GPHN: variants seen among roughly 807,000 people sequenced by gnomAD.
The protein encoded by GPHN is gephyrin.
A neutral mutation model predicts 95.5 loss-of-function variants in GPHN; 17 were observed. That is an observed-to-expected ratio of 0.18 (90% CI 0.12 to 0.27). The LOEUF (loss-of-function observed/expected upper bound fraction) is 0.27. Among genes scored for constraint, GPHN ranks in the 10% least tolerant of loss-of-function variants. GPHN has a pLI of 1.00. For missense variants in GPHN, 660 were observed against 978.1 expected (o/e 0.67, Z 4.34); for synonymous variants, 320 against 322.5 (o/e 0.99, Z 0.08).
chr14:67,732,148 A>C, the GPHN span, among the ~76,000 whole-genome samples: 3 of 146,876 alleles, frequency 2.0e-5, no homozygotes, highest in African/African-American at 2.5e-5. Context: ...AAAAAAAAAA[A>C]ATTTAAGGCT....
At chr14:67,402,049 T>G in the GPHN span, among the ~76,000 whole-genome samples, 1 of 152,128 alleles carries the variant, frequency 6.6e-6, no homozygotes, top group East Asian at 1.9e-4. Flanking sequence ...AAGAATCACT[T>G]AAACTCAGGA....
At chr14:66,803,240 C>G (rs1277847698) in intron 3 of GPHN, among the ~76,000 whole-genome samples, 1 of 152,176 alleles carries the variant, frequency 6.6e-6, no homozygotes, top group Non-Finnish European at 1.5e-5. Flanking sequence ...AAATTGCCTG[C>G]TGTCCTTCTC....
At chr14:67,469,701 G>A in the GPHN span, among the ~76,000 whole-genome samples, 1 of 152,046 alleles carries the variant, frequency 6.6e-6, no homozygotes, top group Non-Finnish European at 1.5e-5. Flanking sequence ...ATGGAGCAGA[G>A]GTACATAAAG....
At chr14:67,102,115 G>A (rs959653489) in intron 13 of GPHN, among the ~76,000 whole-genome samples, 30 of 151,588 alleles carry the variant, frequency 2.0e-4, no homozygotes, top group Non-Finnish European at 3.8e-4. Context: ...CTCGTGATCC[G>A]CCCGCCTCGG....
At chr14:67,331,066 A>G in the GPHN span, among the ~76,000 whole-genome samples, 1 of 151,262 alleles carries the variant, frequency 6.6e-6, no homozygotes, top group African/African-American at 2.4e-5. Context: ...TTTTTTTGAG[A>G]CAGAGTCTCA....
At chr14:67,517,753 G>A in the GPHN span, among the ~76,000 whole-genome samples, 1 of 152,124 alleles carries the variant, frequency 6.6e-6, no homozygotes, top group Admixed American at 6.5e-5. Context: ...TCTCTGGGTA[G>A]GACAGCTATT....
At chr14:67,716,323 T>C in the GPHN span, among the ~76,000 whole-genome samples, 2 of 152,112 alleles carry the variant, frequency 1.3e-5, no homozygotes, top group African/African-American at 4.8e-5. Context: ...TTGATTAGGA[T>C]AGGTGAAAGC....
Position 67,159,325 on chromosome 14 carries a change from T to A in GPHN, c.1837-90T>A. ...AATAAGAAAGATGTTTCTTTTCATT[T>A]CAATCTTATTAATTTAATGTTCATT... On this transcript the variant is annotated intron_variant, in intron 18 of 22. Transcript: ENST00000478722. The A allele has an allele frequency of 6.0e-6, 5 of 832,812 alleles. No individual in the cohort carries two copies. The South Asian group carries it at 6.9e-5, about 11-fold the overall frequency. 51.6% of individuals were successfully genotyped at this position (832,812 alleles called of 1,614,324 possible). A position where few individuals can be genotyped will look rare whatever the true frequency, so the allele number is the denominator to read the frequency against.
At chr14:67,616,746 T>G in the GPHN span, 56 of 152,204 alleles carry the variant, frequency 3.7e-4, no homozygotes, top group African/African-American at 1.3e-3. Flanking sequence ...GGATGCAACT[T>G]TAAACATGAA....
At chr14:67,092,728 A>G (rs2153671105) in intron 12 of GPHN, among the ~76,000 whole-genome samples, 1 of 152,294 alleles carries the variant, frequency 6.6e-6, no homozygotes, top group South Asian at 2.1e-4. Context: ...ATGATAATAT[A>G]AAATAATAGG....
the GPHN span, among the ~76,000 whole-genome samples, chr14:67,428,390 C>T: frequency 6.6e-6 from 1 of 152,250 alleles, no homozygotes; most frequent in East Asian, 1.9e-4. Context: ...ATAATATTCA[C>T]AGCTAACACT....
In GPHN at chr14:66,708,716, G is replaced by T. The variant is rs148289428; in HGVS notation, c.143+27531G>T. Among the ~76,000 whole-genome samples the T allele has an allele frequency of 9.1e-3, 1,385 of 152,138 alleles. 24 individuals are homozygous for T. Among genetic ancestry groups the T allele is most frequent in the African/African-American group, 0.03 (1,257 of 41,542 alleles). ...GATCCTGTTTTAGAAGTATGCCAAA[G>T]TGTGAATATTTTATATTTTTAAATA... On this transcript the variant is annotated intron_variant, in intron 2 of 22. Coordinates refer to ENST00000478722, the MANE Select transcript of GPHN (RefSeq NM_020806.5).
intron 1 of GPHN, among the ~76,000 whole-genome samples, chr14:66,510,672 A>G (rs1485297907): frequency 6.6e-6 from 1 of 152,232 alleles, no homozygotes; most frequent in African/African-American, 2.4e-5. Flanking sequence ...TAATACATTT[A>G]CTAGGTCAAG....
chr14:67,411,136 C>T, the GPHN span, among the ~76,000 whole-genome samples: 4 of 52,074 alleles, frequency 7.7e-5, no homozygotes, highest in African/African-American at 2.9e-4. Context: ...GACCCTGTCT[C>T]AAAAAAAAAA....
At chr14:66,607,140 T>A (rs1444967839) in intron 1 of GPHN, among the ~76,000 whole-genome samples, 1 of 152,064 alleles carries the variant, frequency 6.6e-6, no homozygotes, top group African/African-American at 2.4e-5. Context: ...TTGTGAGGTA[T>A]GTTCCTTCGA....
the GPHN span, chr14:67,657,314 G>A: frequency 3.0e-4 from 46 of 152,288 alleles, 1 homozygote; most frequent in African/African-American, 1.1e-3. Context: ...GTGAGCCCCA[G>A]AAAGAACTTC....
intron 3 of GPHN, among the ~76,000 whole-genome samples, chr14:66,820,232 A>G (rs138542868): frequency 1.3e-5 from 2 of 152,286 alleles, no homozygotes; most frequent in East Asian, 3.9e-4. Context: ...TGATAAAACA[A>G]TATCCAGTCC....
the GPHN span, among the ~76,000 whole-genome samples, chr14:67,635,129 A>G: frequency 2.6e-5 from 4 of 152,130 alleles, no homozygotes; most frequent in East Asian, 7.7e-4. Context: ...CTGTAGTCCC[A>G]GCTACTCTGG....
chr14:66,527,400 CA>C (rs55952354), intron 1 of GPHN, among the ~76,000 whole-genome samples: 1,883 of 128,454 alleles, frequency 0.015, 38 homozygotes, highest in African/African-American at 0.044. Context: ...TTGATCTTTT[CA>C]AAAAAAAAAA....
Sources: gnomAD v4.1 joint callset for allele counts (sites outside exome capture counted in the v4.1 genomes callset) on GRCh38, gnomAD v4.1.1 for gene constraint, MANE v1.5 for transcripts, NCBI Gene and HGNC (gene_info 2026-07-23, HGNC 2026-07-21) for gene names.